The following PDLIM2 variants were observed in gnomAD, a reference collection of about 807,000 sequenced individuals.
PDLIM2 encodes the protein PDZ and LIM domain 2.
Under a neutral mutation model 54.1 loss-of-function variants are expected in PDLIM2, and 51 were observed. The ratio of observed to expected loss-of-function variants is 0.94; its 90% CI spans 0.75 to 1.19. The LOEUF is 1.19. PDLIM2 is among the 50% of genes most tolerant of loss of function. The pLI is 0.00. For synonymous variants in PDLIM2, 398 were observed against 385.6 expected, an observed-to-expected ratio of 1.03 and a Z score of -0.38; for missense variants, 912 against 874.0, an observed-to-expected ratio of 1.04 and a Z score of -0.55.
chr8:22,579,297 C>A lies in PDLIM2; in HGVS notation c.518C>A (p.Ser173Ter). 9 of 1,386,902 alleles carry A rather than the reference C, an allele frequency of 6.5e-6. No individual in the cohort carries two copies. The highest frequency in any genetic ancestry group is 1.5e-5 in the African/African-American group (1 of 65,810). The allele number at this position is 1,386,902 out of a possible 1,614,324, so 85.9% of individuals were successfully genotyped here. Reference sequence around the variant, plus strand: ...GCCGGGCTCCTCTCCGCGCCCCTGTCGGCGCGGAACCCTGGCCTCGTCCGC... The same window carrying A: ...GCCGGGCTCCTCTCCGCGCCCCTGTAGGCGCGGAACCCTGGCCTCGTCCGC... Residue 173 changes from serine to a stop codon, truncating the protein, a stop_gained, in exon 1 of 10, where the codon TCG (serine) becomes TAG (stop). Coordinates refer to ENST00000308354, the Ensembl canonical transcript of PDLIM2. LOFTEE classifies it high-confidence loss of function.
intron 2 of PDLIM2, chr8:22,581,002 T>A: frequency 1.5e-6 from 1 of 654,752 alleles, no homozygotes. Context: ...AGCCCCGGAG[T>A]TCTTGGCAGT....
downstream of PDLIM2, chr8:22,597,646 A>G (rs1322015715): frequency 2.0e-5 from 3 of 152,406 alleles, no homozygotes; most frequent in African/African-American, 7.2e-5. Flanking sequence ...TCAGGGCGCG[A>G]TCTGGCAAAG....
Position 22,589,587 on chromosome 8 carries a change from AC to A in PDLIM2, c.1368-6del. Reference sequence around the variant, plus strand: ...GGACCCTCATTCCTGGCTGCCTCCCACCCTGCAGCATGGACTCGGAAGGGGG... The same window carrying A: ...GGACCCTCATTCCTGGCTGCCTCCCACCTGCAGCATGGACTCGGAAGGGGG... On this transcript the variant is annotated splice_region_variant and splice_polypyrimidine_tract_variant and intron_variant, in intron 7 of 9. Coordinates refer to ENST00000308354, the Ensembl canonical transcript of PDLIM2. 1 of 1,591,238 alleles carries A rather than the reference AC, an allele frequency of 6.3e-7. No individual in the cohort carries two copies. The highest frequency in any genetic ancestry group is 8.5e-7 in the Non-Finnish European group (1 of 1,170,562).
exon 5 of PDLIM2, chr8:22,585,083 C>G: frequency 2.5e-6 from 4 of 1,614,028 alleles, no homozygotes; most frequent in South Asian, 1.1e-5. Context: ...CCCAACCTCC[C>G]TCAGCCCGAG....
chr8:22,591,128 C>T (rs1313240896), intron 8 of PDLIM2: 1 of 235,566 alleles, frequency 4.2e-6, no homozygotes, highest in Non-Finnish European at 8.5e-6. Context: ...GACAGCTGCC[C>T]CGTAGCCCTG....
intron 9 of PDLIM2, 88 bp from the exon 9 acceptor site, chr8:22,593,645 A>G (rs1800614835): frequency 8.6e-7 from 1 of 1,162,882 alleles, no homozygotes; most frequent in African/African-American, 1.6e-5. Flanking sequence ...CCAGGTCCTG[A>G]TGCTACAGTG....
exon 7 of PDLIM2, chr8:22,589,299 C>G (rs1383661581): frequency 5.2e-6 from 8 of 1,533,886 alleles, no homozygotes; most frequent in Non-Finnish European, 7.0e-6. Context: ...TCCCAACAGG[C>G]CGGCCTCGGC....
At chr8:22,580,291 A>C in intron 1 of PDLIM2, 184 bp from the exon 1 acceptor site, 2 of 424,666 alleles carry the variant, frequency 4.7e-6, no homozygotes, top group Non-Finnish European at 8.6e-6. Flanking sequence ...TCCACTTGCC[A>C]GCCCCTGCCC....
intron 9 of PDLIM2, chr8:22,592,583 G>A (rs1800583436): frequency 2.6e-5 from 4 of 152,230 alleles, no homozygotes; most frequent in Admixed American, 2.6e-4. Flanking sequence ...CCCCTGCTGT[G>A]CAGAGATAGG....
At chr8:22,584,798 C>T in intron 3 of PDLIM2, 23 bp from the exon 3 acceptor site, 1 of 1,612,444 alleles carries the variant, frequency 6.2e-7, no homozygotes, top group Middle Eastern at 1.7e-4. Context: ...CTGTGACATT[C>T]CCTCCCTCTG....
exon 10 of PDLIM2, chr8:22,593,746 C>A (rs149693561): frequency 1.9e-6 from 3 of 1,590,696 alleles, no homozygotes; most frequent in African/African-American, 2.7e-5. Flanking sequence ...CCAGGCTGTG[C>A]GCATCCAGGA....
At chr8:22,584,977 G>C (rs770835996) in intron 4 of PDLIM2, 40 bp from the exon 4 acceptor site, 2 of 1,613,350 alleles carry the variant, frequency 1.2e-6, no homozygotes, top group East Asian at 4.5e-5. Flanking sequence ...GCCTTGGCGG[G>C]GCAGCCCTGC....
At chr8:22,585,924 G>T (rs552331024) in intron 6 of PDLIM2, among the ~76,000 whole-genome samples, 1 of 147,912 alleles carries the variant, frequency 6.8e-6, no homozygotes, top group Admixed American at 6.7e-5. Context: ...CCCTACCCCC[G>T]CCAGCTCCCC....
chr8:22,583,534 G>A (rs866448014), intron 3 of PDLIM2, among the ~76,000 whole-genome samples: 2 of 152,294 alleles, frequency 1.3e-5, no homozygotes, highest in African/African-American at 4.8e-5. Context: ...GGGAGGCCGA[G>A]TCGGGCGGAT....
exon 1 of PDLIM2, chr8:22,578,936 CCGG>C: frequency 1.6e-6 from 2 of 1,238,418 alleles, no homozygotes; most frequent in Non-Finnish European, 2.0e-6. Flanking sequence ...GCGGGCACCA[CCGG>C]CTGGACGGTC....
At chr8:22,589,494 A>AGG (rs1406715478) in intron 7 of PDLIM2, 102 bp from the exon 7 acceptor site, 12 of 1,519,848 alleles carry the variant, frequency 7.9e-6, no homozygotes, top group Admixed American at 2.0e-5. Context: ...TCCACCTCCC[A>AGG]GATTCCTCCC....
intron 3 of PDLIM2, among the ~76,000 whole-genome samples, chr8:22,582,538 T>G (rs893059245): frequency 2.0e-5 from 3 of 151,462 alleles, no homozygotes; most frequent in African/African-American, 7.3e-5. Context: ...AAGTCAGGCC[T>G]CTGGTTCTGC....
rs1349106398 is a variant in PDLIM2 at position 22,581,375 on chromosome 8, A to C, written c.844-4A>C. On this transcript the variant is annotated splice_polypyrimidine_tract_variant and splice_region_variant and intron_variant, in intron 2 of 9. Transcript: ENST00000308354. Reference sequence around the variant, plus strand: ...CTGAGCATGCCAGCTCCTCATCCCTACAGGTGGCCGAGCGGGGCAAAGCCA... The same window carrying C: ...CTGAGCATGCCAGCTCCTCATCCCTCCAGGTGGCCGAGCGGGGCAAAGCCA... 1 of 1,595,874 alleles carries C rather than the reference A, an allele frequency of 6.3e-7. No individual in the cohort carries two copies. The highest frequency in any genetic ancestry group is 1.7e-5 in the Admixed American group (1 of 58,742).
At chr8:22,584,798 C>A in intron 3 of PDLIM2, 23 bp from the exon 3 acceptor site, 1 of 1,612,444 alleles carries the variant, frequency 6.2e-7, no homozygotes, top group Non-Finnish European at 8.5e-7. Flanking sequence ...CTGTGACATT[C>A]CCTCCCTCTG....
Sources: gnomAD v4.1 joint callset for allele counts (sites outside exome capture counted in the v4.1 genomes callset) on GRCh38, gnomAD v4.1.1 for gene constraint, MANE v1.5 for transcripts, NCBI Gene and HGNC (gene_info 2026-07-23, HGNC 2026-07-21) for gene names.